CPSF6: variants seen among roughly 807,000 people sequenced by gnomAD.
The protein encoded by CPSF6 is cleavage and polyadenylation specificity factor subunit 6.
In CPSF6, 10 loss-of-function variants were observed where a neutral mutation model predicts 56.7. The ratio of observed to expected loss-of-function variants is 0.18; its 90% CI spans 0.11 to 0.30. The LOEUF (loss-of-function observed/expected upper bound fraction) is 0.30, where lower values mean the gene tolerates loss of function less well. CPSF6 is among the 10% of genes least tolerant of loss of function. CPSF6 has a pLI of 1.00. For missense variants in CPSF6, 419 were observed against 722.9 expected, an observed-to-expected ratio of 0.58 and a Z score of 4.82; for synonymous variants, 248 against 244.8, an observed-to-expected ratio of 1.01 and a Z score of -0.12.
intron 1 of CPSF6, among the ~76,000 whole-genome samples, chr12:69,248,301 C>T (rs1872021200): frequency 6.6e-6 from 1 of 151,890 alleles, no homozygotes; most frequent in Admixed American, 6.6e-5. Flanking sequence ...TTTAGTCCTG[C>T]TGTTAATAAC....
At chr12:69,262,867 G>C (rs1234669804) in intron 9 of CPSF6, among the ~76,000 whole-genome samples, 1 of 152,074 alleles carries the variant, frequency 6.6e-6, no homozygotes, top group Non-Finnish European at 1.5e-5. Context: ...AAAAATTGGG[G>C]TTCTTGTATC....
chr12:69,261,548 G>C (rs568499379), intron 8 of CPSF6, among the ~76,000 whole-genome samples: 3 of 149,412 alleles, frequency 2.0e-5, no homozygotes, highest in African/African-American at 7.3e-5. Flanking sequence ...CTGGGTGACA[G>C]AGAGAGAGAG....
chr12:69,255,386 G>T (rs887384199), intron 3 of CPSF6, among the ~76,000 whole-genome samples: 3 of 152,112 alleles, frequency 2.0e-5, no homozygotes, highest in Non-Finnish European at 2.9e-5. Context: ...CAGTTCTGTT[G>T]GATGTGTACC....
intron 9 of CPSF6, among the ~76,000 whole-genome samples, chr12:69,269,017 C>T (rs1422877101): frequency 2.0e-5 from 3 of 151,808 alleles, no homozygotes; most frequent in Non-Finnish European, 3.0e-5. Flanking sequence ...ATTTATAATA[C>T]TTGCAGAAGT....
chr12:69,246,671 C>T (rs953098585), intron 1 of CPSF6, among the ~76,000 whole-genome samples: 1 of 152,128 alleles, frequency 6.6e-6, no homozygotes, highest in African/African-American at 2.4e-5. Flanking sequence ...ACTAGTATTT[C>T]TTTTCCGAGG....
Position 69,256,633 on chromosome 12 carries a change from AG to A in CPSF6, c.375-63del, listed in dbSNP as rs1002304852. ...AAGCAGATTAAGACCTTTTTACAGA[AG>A]AATAACAGTAATAATATTGATCTCT... On this transcript the variant is annotated intron_variant, in intron 3 of 9. Transcript: ENST00000435070. 67 of 1,471,298 alleles carry A rather than the reference AG, an allele frequency of 4.6e-5. No homozygotes were observed. The African/African-American group carries it at 8.6e-4, about 19-fold the overall frequency. 91.1% of individuals were successfully genotyped at this position (1,471,298 alleles called of 1,614,324 possible).
chr12:69,240,877 T>G (rs1304631920), intron 1 of CPSF6, among the ~76,000 whole-genome samples: 1 of 152,188 alleles, frequency 6.6e-6, no homozygotes, highest in Admixed American at 6.5e-5. Context: ...ATCTACTGCA[T>G]TTTATGTAGT....
intron 1 of CPSF6, among the ~76,000 whole-genome samples, chr12:69,245,399 G>A (rs902164982): frequency 2.6e-5 from 4 of 152,026 alleles, no homozygotes; most frequent in Non-Finnish European, 5.9e-5. Flanking sequence ...ATTTTTTACA[G>A]TGCCTACTTT....
At chr12:69,247,187 A>C (rs1345132965) in intron 1 of CPSF6, among the ~76,000 whole-genome samples, 1 of 152,162 alleles carries the variant, frequency 6.6e-6, no homozygotes, top group Non-Finnish European at 1.5e-5. Flanking sequence ...AAGGTTGAGA[A>C]GCCATACTTT....
Position 69,258,687 on chromosome 12 carries a change from T to C in CPSF6, c.792T>C (p.Ala264=). The change falls in exon 6 of 10, where the codon GCT becomes GCC. Residue 264 remains alanine (A), a synonymous_variant. Coordinates refer to ENST00000435070, the MANE Select transcript of CPSF6 (RefSeq NM_007007.3). The surrounding 1 kb of genome is among the most constrained non-coding windows in gnomAD (Gnocchi z 4.2). The part of the protein sequence containing the change: ...PPGQVLPPPL[A]GPPNRGDRPP... ...GTCAGGTTCTGCCTCCTCCTCTAGC[T>C]GGGCCTCCTAATCGAGGAGATCGCC... 6.2e-7 allele frequency: 1 copy of C among 1,614,090 alleles called. No homozygotes were observed. The highest frequency in any genetic ancestry group is 8.5e-7 in the Non-Finnish European group (1 of 1,180,008).
chr12:69,253,984 T>G (rs151110011), intron 3 of CPSF6, among the ~76,000 whole-genome samples: 4 of 152,322 alleles, frequency 2.6e-5, no homozygotes, highest in African/African-American at 9.6e-5. Flanking sequence ...TATTGCTTAC[T>G]TATCTTAGAA....
At chr12:69,260,267 C>A in intron 8 of CPSF6, 70 bp downstream of exon 8, 1 of 1,207,616 alleles carries the variant, frequency 8.3e-7, no homozygotes, top group South Asian at 1.6e-5. Context: ...TACTGTGAGA[C>A]TTTAAAAGGA....
intron 2 of CPSF6, chr12:69,252,249 A>G (rs201489777): frequency 2.4e-5 from 6 of 251,126 alleles, no homozygotes; most frequent in Admixed American, 1.3e-4. Flanking sequence ...AATTAAAAAC[A>G]AAACAAACAC....
Sources: gnomAD v4.1 joint callset for allele counts (sites outside exome capture counted in the v4.1 genomes callset) on GRCh38, gnomAD v4.1.1 for gene constraint, Gnocchi (gnomAD v3.1) non-coding constraint, MANE v1.5 for transcripts, NCBI Gene and HGNC (gene_info 2026-07-23, HGNC 2026-07-21) for gene names.